The following ARK2N variants were observed in gnomAD, a reference collection of about 807,000 sequenced individuals.
The protein encoded by ARK2N is arkadia (RNF111) N-terminal like PKA signaling regulator 2N.
the ARK2N span, among the ~76,000 whole-genome samples, chr18:46,199,961 C>G: frequency 6.6e-6 from 1 of 152,118 alleles, no homozygotes; most frequent in Non-Finnish European, 1.5e-5. Flanking sequence ...GTTTCTTGCT[C>G]TCTCCTACTT....
the ARK2N span, among the ~76,000 whole-genome samples, chr18:46,244,734 T>A: frequency 6.6e-6 from 1 of 151,536 alleles, no homozygotes. Flanking sequence ...CACAAGTAGC[T>A]GGGATTACAG....
chr18:46,232,610 TC>T, the ARK2N span: 4 of 152,288 alleles, frequency 2.6e-5, no homozygotes, highest in South Asian at 8.3e-4. Context: ...TACTCATTTT[TC>T]CCCCGATTTC....
chr18:46,259,885 C>CTGTGTGTGTGTGTGTGTGTGTGTGAGTG, the ARK2N span, among the ~76,000 whole-genome samples: 1 of 81,594 alleles, frequency 1.2e-5, no homozygotes. Context: ...ATCCTCCCGT[C>CTGTGTGTGTGTGTGTGTGTGTGTGAGTG]TGTGTGTGTG....
the ARK2N span, among the ~76,000 whole-genome samples, chr18:46,234,386 CGG>C: frequency 6.6e-6 from 1 of 151,894 alleles, no homozygotes; most frequent in African/African-American, 2.4e-5. Context: ...TTAGTAGAGA[CGG>C]GGGTTTCACT....
At chr18:46,205,598 C>G in the ARK2N span, among the ~76,000 whole-genome samples, 5 of 152,142 alleles carry the variant, frequency 3.3e-5, no homozygotes, top group Non-Finnish European at 7.4e-5. Flanking sequence ...CTGTTAAAGT[C>G]TCTTCTGTGT....
chr18:46,236,458 T>C, the ARK2N span, among the ~76,000 whole-genome samples: 1 of 152,320 alleles, frequency 6.6e-6, no homozygotes, highest in African/African-American at 2.4e-5. Context: ...TGTGTTACAT[T>C]TACCTCTAGA....
chr18:46,177,863 G>A, the ARK2N span, among the ~76,000 whole-genome samples: 1 of 152,068 alleles, frequency 6.6e-6, no homozygotes, highest in African/African-American at 2.4e-5. Flanking sequence ...TGACTGTGCC[G>A]CTGCACTCCA....
the ARK2N span, among the ~76,000 whole-genome samples, chr18:46,181,432 T>C: frequency 8.0e-4 from 122 of 152,188 alleles, no homozygotes; most frequent in Non-Finnish European, 1.5e-3. Flanking sequence ...AACCTAGAAT[T>C]GTGCCAGGCA....
chr18:46,218,651 T>G, the ARK2N span: 1 of 152,216 alleles, frequency 6.6e-6, no homozygotes, highest in Non-Finnish European at 1.5e-5. Context: ...AATTGTGACA[T>G]TGTGAATTTT....
the ARK2N span, among the ~76,000 whole-genome samples, chr18:46,206,670 T>C: frequency 5.9e-5 from 9 of 152,238 alleles, no homozygotes; most frequent in Admixed American, 2.0e-4. Flanking sequence ...TTTTGTTTTT[T>C]TCCCCCTGCT....
At chr18:46,177,598 T>G in the ARK2N span, among the ~76,000 whole-genome samples, 18 of 152,150 alleles carry the variant, frequency 1.2e-4, no homozygotes, top group Admixed American at 8.5e-4. Context: ...CTGACTAATT[T>G]TTTATTTTTA....
chr18:46,204,639 C>T, the ARK2N span, among the ~76,000 whole-genome samples: 2 of 152,138 alleles, frequency 1.3e-5, no homozygotes, highest in African/African-American at 4.8e-5. Context: ...GTGTTTCTTA[C>T]AATTCTAGGT....
At chr18:46,193,710 T>G in the ARK2N span, among the ~76,000 whole-genome samples, 11 of 151,516 alleles carry the variant, frequency 7.3e-5, no homozygotes, top group South Asian at 2.1e-3. Context: ...GCTATTCTTG[T>G]GTCTCAGTCT....
At chr18:46,266,017 A>G in the ARK2N span, 4 of 152,240 alleles carry the variant, frequency 2.6e-5, no homozygotes, top group Admixed American at 2.0e-4. Flanking sequence ...GCTGCTCTCC[A>G]GTAATTGTCT....
the ARK2N span, among the ~76,000 whole-genome samples, chr18:46,192,798 G>GA: frequency 2.7e-5 from 4 of 150,352 alleles, no homozygotes; most frequent in Non-Finnish European, 4.4e-5. Flanking sequence ...TTGAACTCCT[G>GA]ACCTCAAATA....
the ARK2N span, chr18:46,262,913 T>C: frequency 6.2e-7 from 1 of 1,611,338 alleles, no homozygotes; most frequent in South Asian, 1.1e-5. Flanking sequence ...GCTTTTGTTC[T>C]TCATCTCAAT....
At chr18:46,227,141 A>G in the ARK2N span, among the ~76,000 whole-genome samples, 1 of 152,184 alleles carries the variant, frequency 6.6e-6, no homozygotes, top group Non-Finnish European at 1.5e-5. Context: ...TTATTCTTTC[A>G]CATTTATAAT....
chr18:46,195,056 C>CCTCCCAAGTACTCCAAATACAGTA, the ARK2N span, among the ~76,000 whole-genome samples: 1 of 151,524 alleles, frequency 6.6e-6, no homozygotes, highest in East Asian at 1.9e-4. Flanking sequence ...GCTGCCTTGG[C>CCTCCCAAGTACTCCAAATACAGTA]CTCCCAAAGT....
the ARK2N span, among the ~76,000 whole-genome samples, chr18:46,189,741 G>C: frequency 1.2e-4 from 18 of 152,300 alleles, 1 homozygote; most frequent in South Asian, 2.5e-3. Context: ...GCATGTGCCT[G>C]TAGTCCCAGC....
Sources: allele counts gnomAD v4.1 joint callset (sites outside exome capture counted in the v4.1 genomes callset), GRCh38; gene constraint gnomAD v4.1.1; transcripts MANE v1.5; gene names NCBI Gene and HGNC (gene_info 2026-07-23, HGNC 2026-07-21).